Variants in DNAH12 observed in about 807,000 individuals in gnomAD.
DNAH12 encodes axonemal beta dynein heavy chain 12.
A neutral mutation model predicts 371.5 loss-of-function variants in DNAH12; 285 were observed. The observed-to-expected ratio is 0.77, with a 90% CI of 0.70 to 0.85. The LOEUF is 0.85. Among genes scored for constraint, DNAH12 ranks in the 40% least tolerant of loss-of-function variants. The pLI is 0.00. For missense variants in DNAH12, 3,611 were observed against 3,689.4 expected (o/e 0.98, Z 0.55); for synonymous variants, 1,200 against 1,213.0 (o/e 0.99, Z 0.22).
intron 40 of DNAH12, among the ~76,000 whole-genome samples, chr3:57,406,356 C>CAAAAAAAAAA (rs782271639): frequency 3.1e-5 from 3 of 96,046 alleles, no homozygotes; most frequent in Non-Finnish European, 6.8e-5. Flanking sequence ...GATTCTGCCT[C>CAAAAAAAAAA]AAAAAAAAAA....
intron 2 of DNAH12, chr3:57,530,656 T>C: frequency 2.1e-6 from 1 of 482,932 alleles, no homozygotes; most frequent in Admixed American, 3.2e-5. Context: ...TAGAGTGTGC[T>C]GTCACTGAGC....
At chr3:57,436,339 G>A (rs1243712338) in intron 30 of DNAH12, among the ~76,000 whole-genome samples, 1 of 152,122 alleles carries the variant, frequency 6.6e-6, no homozygotes, top group Non-Finnish European at 1.5e-5. Context: ...CCCTTCAAGT[G>A]AGAGGTCCTG....
intron 45 of DNAH12, among the ~76,000 whole-genome samples, chr3:57,391,493 G>A (rs1197335126): frequency 6.6e-6 from 1 of 152,104 alleles, no homozygotes; most frequent in Admixed American, 6.5e-5. Context: ...ATAATCATAT[G>A]AGCCAATTCC....
At chr3:57,519,573 A>G (rs2068332643) in intron 4 of DNAH12, 1 of 708,764 alleles carries the variant, frequency 1.4e-6, no homozygotes, top group African/African-American at 1.8e-5. Flanking sequence ...TATTTGAAGA[A>G]GTAATCCCCT....
intron 4 of DNAH12, among the ~76,000 whole-genome samples, chr3:57,514,594 A>G (rs1323068934): frequency 6.6e-6 from 1 of 152,058 alleles, no homozygotes; most frequent in Non-Finnish European, 1.5e-5. Context: ...GCATGGGAAC[A>G]GGGTGGAAGG....
At chr3:57,418,284 AAT>A (rs2064445257) in intron 37 of DNAH12, among the ~76,000 whole-genome samples, 1 of 145,596 alleles carries the variant, frequency 6.9e-6, no homozygotes, top group African/African-American at 2.6e-5. Flanking sequence ...GGCACGGTGT[AAT>A]CCTAGCACTT....
intron 25 of DNAH12, among the ~76,000 whole-genome samples, chr3:57,450,250 T>TAAAAAAAAAAAAAAAAA (rs58958877): frequency 1.0e-5 from 1 of 98,580 alleles, no homozygotes; most frequent in African/African-American, 4.0e-5. Context: ...TGTCTCAATT[T>TAAAAAAAAAAAAAAAAA]AAAAAAAAAA....
chr3:57,359,427 C>A (rs916933129), intron 58 of DNAH12, among the ~76,000 whole-genome samples: 1 of 151,492 alleles, frequency 6.6e-6, no homozygotes, highest in Non-Finnish European at 1.5e-5. Context: ...GACGTGGTGG[C>A]GCATGCCTGT....
intron 11 of DNAH12, among the ~76,000 whole-genome samples, chr3:57,492,288 G>A (rs1440513367): frequency 2.6e-5 from 4 of 151,900 alleles, no homozygotes; most frequent in South Asian, 2.1e-4. Flanking sequence ...TGGAGCAACC[G>A]TGTCTCTACT....
chr3:57,440,730 G>A (rs929778199), intron 29 of DNAH12, among the ~76,000 whole-genome samples: 7 of 152,186 alleles, frequency 4.6e-5, no homozygotes, highest in Admixed American at 4.6e-4. Flanking sequence ...GCTCATGCCT[G>A]TAATCCCAGC....
rs1197587544 is a variant in DNAH12, at chr3:57,453,448, C to T, written c.3457-45G>A. 14 of 1,418,826 alleles carry T rather than the reference C, an allele frequency of 9.9e-6. No individual in the cohort carries two copies. The African/African-American group carries it at 1.0e-4, about 10-fold the overall frequency. 87.9% of individuals were successfully genotyped at this position (1,418,826 alleles called of 1,614,324 possible). A position where few individuals can be genotyped will look rare whatever the true frequency, so the allele number is the denominator to read the frequency against. ...GCAATCTAATTGATGTCACATCATA[C>T]TTAAAACATGTATTTTATATATTTA... On this transcript the variant is annotated intron_variant, in intron 23 of 73. Transcript: ENST00000495027.
chr3:57,370,265 CAT>C (rs1462160575), intron 55 of DNAH12, among the ~76,000 whole-genome samples: 7 of 152,152 alleles, frequency 4.6e-5, no homozygotes. Context: ...ATGGTTGAAA[CAT>C]AGCAAAATCA....
At chr3:57,518,633 C>G (rs1238199880) in intron 4 of DNAH12, among the ~76,000 whole-genome samples, 2 of 152,138 alleles carry the variant, frequency 1.3e-5, no homozygotes, top group Non-Finnish European at 2.9e-5. Context: ...AAGAAAATGA[C>G]TGTTTTGAGA....
intron 60 of DNAH12, among the ~76,000 whole-genome samples, chr3:57,345,877 A>G (rs530769844): frequency 6.6e-5 from 10 of 152,124 alleles, no homozygotes; most frequent in Non-Finnish European, 1.0e-4. Flanking sequence ...AATTTTTTGA[A>G]TATTTCTGGC....
chr3:57,312,739 G>C (rs886230019), intron 66 of DNAH12, among the ~76,000 whole-genome samples: 1 of 152,082 alleles, frequency 6.6e-6, no homozygotes, highest in Non-Finnish European at 1.5e-5. Flanking sequence ...AATTGGTCTC[G>C]AAAACCAATG....
chr3:57,426,250 C>A (rs2064764567), intron 34 of DNAH12, among the ~76,000 whole-genome samples: 1 of 151,966 alleles, frequency 6.6e-6, no homozygotes, highest in South Asian at 2.1e-4. Context: ...AGAGTCAGAT[C>A]CTAAAAGGTT....
At chr3:57,498,834 C>G (rs1180309836) in intron 11 of DNAH12, among the ~76,000 whole-genome samples, 1 of 152,010 alleles carries the variant, frequency 6.6e-6, no homozygotes, top group Non-Finnish European at 1.5e-5. Flanking sequence ...CCCATCTCTA[C>G]TAAAAACACA....
chr3:57,545,695 G>A (rs1185561603), upstream of DNAH12, among the ~76,000 whole-genome samples: 1 of 151,884 alleles, frequency 6.6e-6, no homozygotes, highest in Admixed American at 6.6e-5. Flanking sequence ...AACATAAAAA[G>A]CAGCCTGGGA....
intron 45 of DNAH12, 97 bp downstream of exon 45, chr3:57,391,775 C>T (rs963457260): frequency 6.6e-6 from 1 of 152,142 alleles, no homozygotes. Flanking sequence ...GATCAAGAAA[C>T]ACTTGCTGAA....
Sources: gnomAD v4.1 joint callset for allele counts (sites outside exome capture counted in the v4.1 genomes callset) on GRCh38, gnomAD v4.1.1 for gene constraint, MANE v1.5 for transcripts, NCBI Gene and HGNC (gene_info 2026-07-23, HGNC 2026-07-21) for gene names.